SLC16A7: variants seen among roughly 807,000 people sequenced by gnomAD.
SLC16A7 encodes monocarboxylate transporter 2.
In SLC16A7, 33 loss-of-function variants were observed where a neutral mutation model predicts 34.9. The observed-to-expected ratio is 0.94, with a 90% confidence interval of 0.72 to 1.26. The LOEUF is 1.26. SLC16A7 is among the 50% of genes most tolerant of loss of function. The probability of loss-of-function intolerance (pLI) is 0.00; values close to 1 mark genes in which losing one functional copy is unlikely to be tolerated. For synonymous variants in SLC16A7, 201 were observed against 206.6 expected (o/e 0.97, Z 0.23); for missense variants, 573 against 578.1 (o/e 0.99, Z 0.09).
chr12:59,628,569 G>A (rs985648444), intron 1 of SLC16A7, among the ~76,000 whole-genome samples: 2 of 151,692 alleles, frequency 1.3e-5, no homozygotes, highest in African/African-American at 4.8e-5. Context: ...TAGCACATTT[G>A]AATACAATTA....
chr12:59,760,160 G>T (rs1880852473), intron 3 of SLC16A7, among the ~76,000 whole-genome samples: 2 of 152,030 alleles, frequency 1.3e-5, no homozygotes, highest in South Asian at 2.1e-4. Flanking sequence ...AGACTTTTAT[G>T]TAGAGTGCAG....
intron 2 of SLC16A7, among the ~76,000 whole-genome samples, chr12:59,674,107 A>C (rs1033030417): frequency 2.0e-5 from 3 of 152,226 alleles, no homozygotes; most frequent in Non-Finnish European, 4.4e-5. Context: ...TTTATGTTGA[A>C]TTAACATTTC....
At chr12:59,741,179 G>A (rs2091771) in intron 3 of SLC16A7, among the ~76,000 whole-genome samples, 18,547 of 151,852 alleles carry the variant, frequency 0.12, 1,486 homozygotes, top group African/African-American at 0.22. Flanking sequence ...TCAAGCTACC[G>A]ATGACTTTCT....
chr12:59,619,211 C>A (rs371180163), intron 1 of SLC16A7, among the ~76,000 whole-genome samples: 2 of 152,116 alleles, frequency 1.3e-5, no homozygotes, highest in South Asian at 2.1e-4. Flanking sequence ...AATTTACATT[C>A]CTGATTTGCA....
chr12:59,727,665 G>A (rs938085781), intron 3 of SLC16A7, among the ~76,000 whole-genome samples: 1 of 152,156 alleles, frequency 6.6e-6, no homozygotes, highest in Non-Finnish European at 1.5e-5. Context: ...AATACCGGAG[G>A]TTTCAGTGAA....
intron 3 of SLC16A7, among the ~76,000 whole-genome samples, chr12:59,766,918 C>A (rs963771561): frequency 3.0e-4 from 46 of 152,074 alleles, no homozygotes; most frequent in Non-Finnish European, 6.5e-4. Flanking sequence ...ACCAGTTCCT[C>A]CTTGTACCTC....
At chr12:59,648,093 C>T (rs1244646287) in intron 1 of SLC16A7, among the ~76,000 whole-genome samples, 5 of 151,966 alleles carry the variant, frequency 3.3e-5, no homozygotes, top group Admixed American at 2.6e-4. Context: ...GCCAGGTCAA[C>T]TGCAGGGGGT....
intron 1 of SLC16A7, among the ~76,000 whole-genome samples, chr12:59,646,802 G>T (rs1868256415): frequency 6.6e-6 from 1 of 152,178 alleles, no homozygotes; most frequent in Non-Finnish European, 1.5e-5. Context: ...GCTGTTTAAG[G>T]CCATGGGAGC....
intron 2 of SLC16A7, among the ~76,000 whole-genome samples, chr12:59,682,912 C>A (rs1870857521): frequency 6.6e-6 from 1 of 151,872 alleles, no homozygotes; most frequent in Admixed American, 6.6e-5. Context: ...ACTAAAAATA[C>A]AAAATTAGCC....
At chr12:59,670,384 T>C (rs972564001) in intron 2 of SLC16A7, among the ~76,000 whole-genome samples, 3 of 152,074 alleles carry the variant, frequency 2.0e-5, no homozygotes, top group African/African-American at 4.8e-5. Flanking sequence ...AGGGACACAA[T>C]TGAAGTAATC....
intron 1 of SLC16A7, among the ~76,000 whole-genome samples, chr12:59,640,337 T>C (rs866301368): frequency 6.6e-5 from 10 of 152,292 alleles, no homozygotes; most frequent in Non-Finnish European, 1.0e-4. Flanking sequence ...GGACATTTCA[T>C]GATTAGAACT....
intron 3 of SLC16A7, among the ~76,000 whole-genome samples, chr12:59,730,102 T>C (rs1299825801): frequency 2.0e-5 from 3 of 152,062 alleles, no homozygotes; most frequent in Admixed American, 2.0e-4. Context: ...AAAAATTAGT[T>C]CAGGATCTAC....
At position 59,775,075 on chromosome 12, in the gene SLC16A7, T is replaced by C. The variant is rs777272113; in HGVS notation, c.780T>C (p.Gly260=). Residue 260 remains glycine, a synonymous_variant, in exon 5 of 6, where the codon GGT becomes GGC. Transcript: ENST00000547379. ...YLSGNVIMFL[G]FFAPIIFLAP... is the part of the protein sequence containing the mutation. ...CTGGAAATGTCATTATGTTCCTAGG[T>C]TTTTTTGCCCCCATTATATTCTTGG... is the stretch of plus-strand genomic sequence containing the variant. 32 of 1,613,844 alleles carry C rather than the reference T, an allele frequency of 2.0e-5. No individual in the cohort carries two copies. Among genetic ancestry groups the C allele is most frequent in the Middle Eastern group, 3.3e-4 (2 of 6,084 alleles).
intron 2 of SLC16A7, among the ~76,000 whole-genome samples, chr12:59,663,964 G>C (rs1203842745): frequency 6.6e-6 from 1 of 151,880 alleles, no homozygotes; most frequent in Non-Finnish European, 1.5e-5. Context: ...CTAAATAATT[G>C]TATCTTTCAC....
intron 3 of SLC16A7, among the ~76,000 whole-genome samples, chr12:59,747,291 GTTA>G (rs1878999061): frequency 6.6e-6 from 1 of 152,090 alleles, no homozygotes; most frequent in South Asian, 2.1e-4. Flanking sequence ...TTATAATAAA[GTTA>G]TTATGTTGTA....
At chr12:59,636,418 C>G (rs1036394850) in intron 1 of SLC16A7, among the ~76,000 whole-genome samples, 2 of 152,014 alleles carry the variant, frequency 1.3e-5, no homozygotes, top group Admixed American at 6.6e-5. Flanking sequence ...AGGCAACATA[C>G]TTTTTTTTAC....
chr12:59,723,708 T>C (rs1368755022), intron 3 of SLC16A7, among the ~76,000 whole-genome samples: 2 of 152,026 alleles, frequency 1.3e-5, no homozygotes, highest in Admixed American at 6.6e-5. Context: ...CATAAGGCAT[T>C]GCACAATGAC....
At chr12:59,747,230 A>C (rs1176526391) in intron 3 of SLC16A7, among the ~76,000 whole-genome samples, 1 of 152,238 alleles carries the variant, frequency 6.6e-6, no homozygotes, top group Non-Finnish European at 1.5e-5. Flanking sequence ...AAAGAAAGGC[A>C]TTAAAAATTA....
At chr12:59,756,447 G>A (rs1880358871) in intron 3 of SLC16A7, among the ~76,000 whole-genome samples, 2 of 151,804 alleles carry the variant, frequency 1.3e-5, no homozygotes, top group Non-Finnish European at 2.9e-5. Flanking sequence ...GTGGACGAAG[G>A]ACATGAACAG....
Sources: allele counts gnomAD v4.1 joint callset (sites outside exome capture counted in the v4.1 genomes callset), GRCh38; gene constraint gnomAD v4.1.1; transcripts MANE v1.5; gene names NCBI Gene and HGNC (gene_info 2026-07-23, HGNC 2026-07-21).